The following USP17L2 variants were observed in gnomAD, a reference collection of about 807,000 sequenced individuals.
USP17L2 encodes the protein ubiquitin specific peptidase 17 like family member 2.
A neutral mutation model predicts 39.8 loss-of-function variants in USP17L2; 29 were observed. The observed-to-expected ratio is 0.73, with a 90% CI of 0.54 to 0.99. The LOEUF is 0.99. USP17L2 is among the 50% of genes least tolerant of loss of function. USP17L2 has a pLI of 0.00. For missense variants in USP17L2, 567 were observed against 647.2 expected, an observed-to-expected ratio of 0.88 and a Z score of 1.35; for synonymous variants, 231 against 252.7, an observed-to-expected ratio of 0.91 and a Z score of 0.81.
In USP17L2 at chr8:12,138,397, A is replaced by C. The variant is rs3988865; in HGVS notation, c.364T>G (p.Cys122Gly). Residue 122 changes from cysteine to glycine, a missense_variant, in exon 1 of 1, where the codon TGC becomes GGC. Around this residue, in one of 6 missense-constraint regions of USP17L2, gnomAD observed 67 missense variants for 122.8 expected, o/e 0.55. Transcript: ENST00000333796. ...EHSQTCQRPKCCMLCTMQAHI... is the reference protein window; with the variant it reads ...EHSQTCQRPKGCMLCTMQAHI... ...GCTTGCATAGTACAGAGCATGCAGC[A>C]CTTGGGACGCTGACATGTTTGAGAG... 6 of 1,479,152 alleles carry C rather than the reference A, an allele frequency of 4.1e-6. No individual in the cohort carries two copies. Among genetic ancestry groups the C allele is most frequent in the Non-Finnish European group, 5.5e-6 (6 of 1,084,202 alleles). 91.6% of individuals were successfully genotyped at this position (1,479,152 alleles called of 1,614,324 possible). A position where few individuals can be genotyped will look rare whatever the true frequency, so the allele number is the denominator to read the frequency against.
At position 12,136,826 on chromosome 8, in the gene USP17L2, C is replaced by A. The variant is rs1803240392; in HGVS notation, c.*342G>T. Among the ~76,000 whole-genome samples the A allele has an allele frequency of 1.4e-5, 2 of 140,586 alleles. No individual in the cohort carries two copies. The highest frequency in any genetic ancestry group is 2.5e-4 in the South Asian group (1 of 4,038). The allele number at this position is 140,586 out of a possible 152,430, so 92.2% of individuals were successfully genotyped here. A position where few individuals can be genotyped will look rare whatever the true frequency, so the allele number is the denominator to read the frequency against. On this transcript the variant is annotated 3_prime_UTR_variant, in exon 1 of 1. Transcript: ENST00000333796. ...TAGGAAACCGAGTCCCCTGCAATAACCTCACACTCAAACCTACACGTCAGT... is the reference window on the plus strand; with the variant it reads ...TAGGAAACCGAGTCCCCTGCAATAAACTCACACTCAAACCTACACGTCAGT...
At position 12,137,171 on chromosome 8, in the gene USP17L2, C is replaced by T. The variant is rs764358418; in HGVS notation, c.1590G>A (p.Gln530=). ...KHSKRALLVC[Q] ...TGGGTCGGCACTTCCACTGAGATCA[C>T]TGGCACACAAGCAGAGCCCTCTTGC... Residue 530 remains glutamine (Q), a synonymous_variant, in exon 1 of 1, where the codon CAG becomes CAA. Transcript: ENST00000333796. The T allele has an allele frequency of 2.0e-6, 3 of 1,530,750 alleles. 1 individual carries two copies. The East Asian group carries it at 7.9e-5, about 40-fold the overall frequency. The allele number at this position is 1,530,750 out of a possible 1,614,324, so 94.8% of individuals were successfully genotyped here.
Position 12,138,429 on chromosome 8 carries a change from C to T in USP17L2, c.332G>A (p.Arg111Gln), listed in dbSNP as rs201211038. 2.3e-3 allele frequency: 3,462 copies of T among 1,525,268 alleles called. 214 individuals carry two copies. The highest frequency in any genetic ancestry group is 2.4e-3 in the Non-Finnish European group (2,668 of 1,125,360). The allele number at this position is 1,525,268 out of a possible 1,614,324, so 94.5% of individuals were successfully genotyped here. A position where few individuals can be genotyped will look rare whatever the true frequency, so the allele number is the denominator to read the frequency against. Reference sequence around the variant, plus strand: ...ACGCTGACATGTTTGAGAGTGCTCCCGGGACAGCATGTAGTTGGCAAGGGG... The same window carrying T: ...ACGCTGACATGTTTGAGAGTGCTCCTGGGACAGCATGTAGTTGGCAAGGGG... ...TPPLANYMLSREHSQTCQRPK... is the reference protein window; with the variant it reads ...TPPLANYMLSQEHSQTCQRPK... Residue 111 changes from arginine to glutamine, a missense_variant, in exon 1 of 1, where the codon CGG becomes CAG. Around this residue, in one of 6 missense-constraint regions of USP17L2, gnomAD observed 67 missense variants for 122.8 expected, o/e 0.55. Coordinates refer to ENST00000333796, the MANE Select transcript of USP17L2 (RefSeq NM_201402.3).
rs1803340782 is a variant in USP17L2, at chr8:12,138,252, T to C, written c.509A>G (p.Asp170Gly). Residue 170 changes from aspartate to glycine, a missense_variant, in exon 1 of 1, where the codon GAT (aspartate) becomes GGT (glycine). Asp to Gly is a moderately conservative substitution (Grantham distance 94). Coordinates refer to ENST00000333796, the MANE Select transcript of USP17L2 (RefSeq NM_201402.3). ...GGGAAGGCATGCCTTTTTCATGGCA[T>C]CCACAGTGAACATGAGAAATTCATG... ...DAHEFLMFTV[D>G]AMKKACLPGH... The C allele has an allele frequency of 7.4e-7, 1 of 1,346,068 alleles. No homozygotes were observed. The highest frequency in any genetic ancestry group is 1.0e-6 in the Non-Finnish European group (1 of 972,264). 83.4% of individuals were successfully genotyped at this position (1,346,068 alleles called of 1,614,324 possible). A position where few individuals can be genotyped will look rare whatever the true frequency, so the allele number is the denominator to read the frequency against.
chr8:12,136,739 G>A lies in USP17L2; in HGVS notation c.*429C>T, dbSNP rs572365853. Among the ~76,000 whole-genome samples, 2 of 140,676 alleles carry A rather than the reference G, an allele frequency of 1.4e-5. No homozygotes were observed. Among genetic ancestry groups the A allele is most frequent in the Non-Finnish European group, 3.1e-5 (2 of 64,946 alleles). The allele number at this position is 140,676 out of a possible 152,430, so 92.3% of individuals were successfully genotyped here. ...AATGATCCATGGATGTGCCACATGA[G>A]CAAAATTTCACCTTCTCGTGCCGCC... is the stretch of plus-strand genomic sequence containing the variant. On this transcript the variant is annotated 3_prime_UTR_variant, in exon 1 of 1. Transcript: ENST00000333796.
In USP17L2 at chr8:12,136,572, T is replaced by G. The variant is rs376400726; in HGVS notation, c.*596A>C. 7.1e-6 allele frequency among the ~76,000 whole-genome samples: 1 copy of G among 140,604 alleles called. No individual in the cohort carries two copies. The highest frequency in any genetic ancestry group is 2.7e-5 in the African/African-American group (1 of 37,348). The allele number at this position is 140,604 out of a possible 152,430, so 92.2% of individuals were successfully genotyped here. On this transcript the variant is annotated 3_prime_UTR_variant, in exon 1 of 1. Transcript: ENST00000333796. ...CGGTCTGTCTGTTTCCGGCGTTATG[T>G]GGGTTCCAGCAAGAGCACAAGTCCC...
In USP17L2 at chr8:12,137,104, G is replaced by A; in HGVS notation, c.*64C>T. The A allele has an allele frequency of 6.9e-6, 10 of 1,459,198 alleles. 3 individuals are homozygous for A. The highest frequency in any genetic ancestry group is 9.3e-6 in the Non-Finnish European group (10 of 1,071,942). The allele number at this position is 1,459,198 out of a possible 1,614,324, so 90.4% of individuals were successfully genotyped here. ...GTGTGTGTTTGCGTGCGCGCTTGTG[G>A]GTGTATTTGTGCGTGTGTGTGTGTG... On this transcript the variant is annotated 3_prime_UTR_variant, in exon 1 of 1. Coordinates refer to ENST00000333796, the MANE Select transcript of USP17L2 (RefSeq NM_201402.3).
In USP17L2 at chr8:12,136,542, C is replaced by T. The variant is rs1459473160; in HGVS notation, c.*626G>A. 1.4e-5 allele frequency among the ~76,000 whole-genome samples: 2 copies of T among 140,518 alleles called. No individual in the cohort carries two copies. Among genetic ancestry groups the T allele is most frequent in the South Asian group, 2.5e-4 (1 of 3,980 alleles). 92.2% of individuals were successfully genotyped at this position (140,518 alleles called of 152,430 possible). On this transcript the variant is annotated 3_prime_UTR_variant, in exon 1 of 1. Transcript: ENST00000333796. The stretch of plus-strand genomic sequence containing the variant: ...TTGGAATTGGACATCGTGAAACAGG[C>T]AAGTCGGTCTGTCTGTTTCCGGCGT...
rs201032518 is a variant in USP17L2, at chr8:12,138,525, C to T, written c.236G>A (p.Gly79Glu). 2,643 of 1,518,478 alleles carry T rather than the reference C, an allele frequency of 1.7e-3. 717 individuals carry two copies. The highest frequency in any genetic ancestry group is 0.012 in the South Asian group (981 of 78,570). 94.1% of individuals were successfully genotyped at this position (1,518,478 alleles called of 1,614,324 possible). Reference protein sequence around the residue: ...PLSSRRPAAVGAGLQNMGNTC... With the variant: ...PLSSRRPAAVEAGLQNMGNTC... ...ATTTCCCATATTCTGGAGCCCAGCCCCCACCGCAGCAGGTCTCCTGCTACT... is the reference window on the plus strand; with the variant it reads ...ATTTCCCATATTCTGGAGCCCAGCCTCCACCGCAGCAGGTCTCCTGCTACT... The change falls in exon 1 of 1, where the codon GGG becomes GAG. Residue 79 changes from glycine to glutamate, a missense_variant. Physicochemically the swap from Gly to Glu is moderately conservative, Grantham distance 98. Around this residue, in one of 6 missense-constraint regions of USP17L2, gnomAD observed 120 missense variants for 111.0 expected, o/e 1.08. Transcript: ENST00000333796.
chr8:12,137,546 T>C lies in USP17L2; in HGVS notation c.1215A>G (p.Gln405=). 6.5e-7 allele frequency: 1 copy of C among 1,533,210 alleles called. No homozygotes were observed. Among genetic ancestry groups the C allele is most frequent in the Non-Finnish European group, 8.8e-7 (1 of 1,135,020 alleles). 95.0% of individuals were successfully genotyped at this position (1,533,210 alleles called of 1,614,324 possible). ...GAEDTDRRAT[Q]GELKRDHPCL... ...AGGGGTGGTCTCTCTTGAGCTCTCCTTGCGTTGCTCGCCTGTCTGTGTCTT... is the reference window on the plus strand; with the variant it reads ...AGGGGTGGTCTCTCTTGAGCTCTCCCTGCGTTGCTCGCCTGTCTGTGTCTT... The change falls in exon 1 of 1, where the codon CAA becomes CAG. Residue 405 remains glutamine (Q), a synonymous_variant. Coordinates refer to ENST00000333796, the MANE Select transcript of USP17L2 (RefSeq NM_201402.3).
rs1803266729 is a variant in USP17L2, at chr8:12,137,225, G to A, written c.1536C>T (p.Thr512=). ...TGTLASLQGR[T]RRSKGKNKHS... ...GTTTGTTCTTCCCTTTGGATCTCCT[G>A]GTCCTCCCTTGCAGAGAAGCGAGGG... is the stretch of plus-strand genomic sequence containing the variant. The change falls in exon 1 of 1, where the codon ACC becomes ACT. Residue 512 remains threonine (T), a synonymous_variant. Transcript: ENST00000333796. The A allele has an allele frequency of 1.3e-6, 2 of 1,530,628 alleles. No individual in the cohort carries two copies. Among genetic ancestry groups the A allele is most frequent in the Non-Finnish European group, 8.8e-7 (1 of 1,135,170 alleles). 94.8% of individuals were successfully genotyped at this position (1,530,628 alleles called of 1,614,324 possible).
At position 12,137,663 on chromosome 8, in the gene USP17L2, C is replaced by T. The variant is rs568674782; in HGVS notation, c.1098G>A (p.Gln366=). ...ACSITSVLSQ[Q]AYVLFYIQKS... ...TCTGGATGTAAAAGAGGACATAGGCCTGTTGACTCAGGACAGAAGTGATGC... is the reference window on the plus strand; with the variant it reads ...TCTGGATGTAAAAGAGGACATAGGCTTGTTGACTCAGGACAGAAGTGATGC... Residue 366 remains glutamine (Q), a synonymous_variant, in exon 1 of 1, where the codon CAG becomes CAA. Coordinates refer to ENST00000333796, the MANE Select transcript of USP17L2 (RefSeq NM_201402.3). 5 of 1,531,974 alleles carry T rather than the reference C, an allele frequency of 3.3e-6. No individual in the cohort carries two copies. The highest frequency in any genetic ancestry group is 1.5e-5 in the African/African-American group (1 of 68,316). 94.9% of individuals were successfully genotyped at this position (1,531,974 alleles called of 1,614,324 possible). A position where few individuals can be genotyped will look rare whatever the true frequency, so the allele number is the denominator to read the frequency against.
At position 12,136,523 on chromosome 8, in the gene USP17L2, T is replaced by G. The variant is rs3871482; in HGVS notation, c.*645A>C. On this transcript the variant is annotated 3_prime_UTR_variant, in exon 1 of 1. Transcript: ENST00000333796. ...AATTTTCCATTTCGACTCATTGGAATTGGACATCGTGAAACAGGCAAGTCG... is the reference window on the plus strand; with the variant it reads ...AATTTTCCATTTCGACTCATTGGAAGTGGACATCGTGAAACAGGCAAGTCG... Among the ~76,000 whole-genome samples the G allele has an allele frequency of 0.43, 58,960 of 136,582 alleles. 12,037 individuals are homozygous for G. Among genetic ancestry groups the G allele is most frequent in the Admixed American group, 0.5 (6,786 of 13,484 alleles). The allele number at this position is 136,582 out of a possible 152,430, so 89.6% of individuals were successfully genotyped here.
rs1266625815 is a variant in USP17L2, at chr8:12,137,100, T to C, written c.*68A>G. 2 of 1,453,436 alleles carry C rather than the reference T, an allele frequency of 1.4e-6. 1 individual carries two copies. The highest frequency in any genetic ancestry group is 1.9e-6 in the Non-Finnish European group (2 of 1,066,822). The allele number at this position is 1,453,436 out of a possible 1,614,324, so 90.0% of individuals were successfully genotyped here. On this transcript the variant is annotated 3_prime_UTR_variant, in exon 1 of 1. Coordinates refer to ENST00000333796, the MANE Select transcript of USP17L2 (RefSeq NM_201402.3). ...GTGTGTGTGTGTTTGCGTGCGCGCTTGTGGGTGTATTTGTGCGTGTGTGTG... is the reference window on the plus strand; with the variant it reads ...GTGTGTGTGTGTTTGCGTGCGCGCTCGTGGGTGTATTTGTGCGTGTGTGTG...
rs1168478819 is a variant in USP17L2, at chr8:12,137,085, G to T, written c.*83C>A. ...TGTTCGTGTTTGTGTGTGTGTGTGTGTTTGCGTGCGCGCTTGTGGGTGTAT... is the reference window on the plus strand; with the variant it reads ...TGTTCGTGTTTGTGTGTGTGTGTGTTTTTGCGTGCGCGCTTGTGGGTGTAT... On this transcript the variant is annotated 3_prime_UTR_variant, in exon 1 of 1. Transcript: ENST00000333796. 7 of 1,390,568 alleles carry T rather than the reference G, an allele frequency of 5.0e-6. No homozygotes were observed. Among genetic ancestry groups the T allele is most frequent in the Non-Finnish European group, 6.9e-6 (7 of 1,012,302 alleles). The allele number at this position is 1,390,568 out of a possible 1,614,324, so 86.1% of individuals were successfully genotyped here.
At position 12,137,730 on chromosome 8, in the gene USP17L2, C is replaced by A. The variant is rs780671534; in HGVS notation, c.1031G>T (p.Gly344Val). Residue 344 changes from glycine to valine, a missense_variant, in exon 1 of 1, where the codon GGC becomes GTC. Coordinates refer to ENST00000333796, the MANE Select transcript of USP17L2 (RefSeq NM_201402.3). Reference protein sequence around the residue: ...HYFSYVKAQEGQWYKMDDAKV... With the variant: ...HYFSYVKAQEVQWYKMDDAKV... Reference sequence around the variant, plus strand: ...GGCATCATCCATTTTATACCACTGGCCTTCTTGAGCTTTGACATAAGAGAA... The same window carrying A: ...GGCATCATCCATTTTATACCACTGGACTTCTTGAGCTTTGACATAAGAGAA... 1 of 1,528,276 alleles carries A rather than the reference C, an allele frequency of 6.5e-7. No homozygotes were observed. Among genetic ancestry groups the A allele is most frequent in the Non-Finnish European group, 8.8e-7 (1 of 1,130,822 alleles). The allele number at this position is 1,528,276 out of a possible 1,614,324, so 94.7% of individuals were successfully genotyped here. A position where few individuals can be genotyped will look rare whatever the true frequency, so the allele number is the denominator to read the frequency against.
Position 12,137,497 on chromosome 8 carries a change from C to T in USP17L2, c.1264G>A (p.Glu422Lys), listed in dbSNP as rs375221330. 48 of 1,532,584 alleles carry T rather than the reference C, an allele frequency of 3.1e-5. 6 individuals carry two copies. In the African/African-American group the frequency reaches 4.0e-4, roughly 13 times the overall value. The allele number at this position is 1,532,584 out of a possible 1,614,324, so 94.9% of individuals were successfully genotyped here. ...HPCLQAPELD[E>K]RLVERATQES... ...TGAGTGGCTCTTTCCACCAAGCGCT[C>T]GTCCAACTCGGGTGCCTGGAGGCAG... The change falls in exon 1 of 1, where the codon GAG becomes AAG. Residue 422 changes from glutamate (E) to lysine (K), a missense_variant. By Grantham distance (56) the Glu-to-Lys change is moderately conservative. This residue lies in a region of USP17L2 where 304 missense variants were observed against 254.7 expected (regional missense o/e 1.19). Coordinates refer to ENST00000333796, the MANE Select transcript of USP17L2 (RefSeq NM_201402.3).
rs200666853 is a variant in USP17L2 at position 12,137,890 on chromosome 8, G to T, written c.871C>A (p.Leu291Ile). The change falls in exon 1 of 1, where the codon CTT becomes ATT. Residue 291 changes from leucine to isoleucine, a missense_variant. Coordinates refer to ENST00000333796, the MANE Select transcript of USP17L2 (RefSeq NM_201402.3). ...KRFSDVTGNK[L>I]AKNVQYPECL... ...TCAGGATATTGCACATTCTTGGCAA[G>T]TTTGTTGCCTGTGACATCGGAGAAT... The T allele has an allele frequency of 2.7e-5, 42 of 1,532,438 alleles. 1 individual carries two copies. The highest frequency in any genetic ancestry group is 3.3e-5 in the Non-Finnish European group (37 of 1,132,128). 94.9% of individuals were successfully genotyped at this position (1,532,438 alleles called of 1,614,324 possible).
rs1328667564 is a variant in USP17L2 at position 12,137,115 on chromosome 8, G to A, written c.*53C>T. The stretch of plus-strand genomic sequence containing the variant: ...CGTGCGCGCTTGTGGGTGTATTTGT[G>A]CGTGTGTGTGTGTGCGTTCACCCCT... On this transcript the variant is annotated 3_prime_UTR_variant, in exon 1 of 1. Coordinates refer to ENST00000333796, the MANE Select transcript of USP17L2 (RefSeq NM_201402.3). The A allele has an allele frequency of 5.4e-6, 8 of 1,487,842 alleles. 1 individual carries two copies. Among genetic ancestry groups the A allele is most frequent in the Non-Finnish European group, 6.4e-6 (7 of 1,097,220 alleles). The allele number at this position is 1,487,842 out of a possible 1,614,324, so 92.2% of individuals were successfully genotyped here.
Sources: allele counts gnomAD v4.1 joint callset (sites outside exome capture counted in the v4.1 genomes callset), GRCh38; gene constraint gnomAD v4.1.1; regional missense constraint gnomAD v4.1.1; transcripts MANE v1.5; gene names NCBI Gene and HGNC (gene_info 2026-07-23, HGNC 2026-07-21).